NRXN1: variants seen among roughly 807,000 people sequenced by gnomAD.
NRXN1 encodes the protein neurexin-1.
Under a neutral mutation model 150.9 loss-of-function variants are expected in NRXN1, and 39 were observed. The ratio of observed to expected loss-of-function variants is 0.26; its 90% CI spans 0.20 to 0.34. NRXN1 has a LOEUF of 0.34. Ranked by LOEUF, NRXN1 falls within the 10% of genes least tolerant of loss-of-function variation. The pLI is 1.00. For synonymous variants in NRXN1, 924 were observed against 757.0 expected (o/e 1.22, Z -3.62); for missense variants, 1,815 against 1,949.9 (o/e 0.93, Z 1.30).
At chr2:50,170,313 T>A (rs1055867354) in intron 18 of NRXN1, among the ~76,000 whole-genome samples, 1 of 152,126 alleles carries the variant, frequency 6.6e-6, no homozygotes, top group African/African-American at 2.4e-5. Context: ...TTTTGTTTTT[T>A]TTGAGACAGT....
intron 5 of NRXN1, among the ~76,000 whole-genome samples, chr2:50,741,636 G>A (rs1419368204): frequency 6.6e-6 from 1 of 152,140 alleles, no homozygotes; most frequent in Non-Finnish European, 1.5e-5. Flanking sequence ...GATTTCTCAT[G>A]TTCATCAGGA....
At chr2:50,897,401 T>A (rs961243601) in intron 5 of NRXN1, among the ~76,000 whole-genome samples, 1 of 152,166 alleles carries the variant, frequency 6.6e-6, no homozygotes, top group African/African-American at 2.4e-5. Context: ...ATCTCCAACA[T>A]CTATGCTCAG....
chr2:50,659,187 G>T (rs1686930785), intron 5 of NRXN1, among the ~76,000 whole-genome samples: 1 of 151,984 alleles, frequency 6.6e-6, no homozygotes, highest in Non-Finnish European at 1.5e-5. Flanking sequence ...TTGCCTCAAG[G>T]TTCCATTCCA....
chr2:50,482,865 G>A (rs1006401167), intron 15 of NRXN1, among the ~76,000 whole-genome samples: 5 of 151,558 alleles, frequency 3.3e-5, no homozygotes, highest in African/African-American at 1.2e-4. Context: ...GGAGGCTGTG[G>A]CGGGAAGAAA....
At chr2:50,013,630 T>A (rs187650298) in intron 21 of NRXN1, among the ~76,000 whole-genome samples, 4 of 152,268 alleles carry the variant, frequency 2.6e-5, no homozygotes, top group African/African-American at 9.6e-5. Flanking sequence ...CTATTACATA[T>A]ATTGAAATGT....
At chr2:50,218,900 T>A (rs2063589165) in intron 18 of NRXN1, among the ~76,000 whole-genome samples, 2 of 152,042 alleles carry the variant, frequency 1.3e-5, no homozygotes, top group South Asian at 4.1e-4. Context: ...TCCAAAAATA[T>A]TCACTTTTAT....
chr2:50,494,684 A>G (rs1184820155), intron 15 of NRXN1, among the ~76,000 whole-genome samples: 1 of 152,218 alleles, frequency 6.6e-6, no homozygotes, highest in Non-Finnish European at 1.5e-5. Flanking sequence ...ACAGAAAGCA[A>G]AACACTTTTC....
intron 17 of NRXN1, among the ~76,000 whole-genome samples, chr2:50,434,348 C>T (rs2085250827): frequency 6.6e-6 from 1 of 152,080 alleles, no homozygotes; most frequent in South Asian, 2.1e-4. Context: ...TCCCACAGTG[C>T]TGGGATTACA....
At chr2:49,977,604 AT>A (rs982942770) in intron 21 of NRXN1, among the ~76,000 whole-genome samples, 2 of 152,162 alleles carry the variant, frequency 1.3e-5, no homozygotes, top group African/African-American at 4.8e-5. Context: ...GGTTTCTCCA[AT>A]TTTAATAAGT....
At chr2:50,864,290 T>G (rs1211870047) in intron 5 of NRXN1, among the ~76,000 whole-genome samples, 1 of 151,992 alleles carries the variant, frequency 6.6e-6, no homozygotes, top group African/African-American at 2.4e-5. Context: ...CTGATCATCA[T>G]AAAAGCTAAA....
intron 17 of NRXN1, among the ~76,000 whole-genome samples, chr2:50,366,047 A>G (rs901941987): frequency 5.9e-5 from 9 of 151,964 alleles, no homozygotes; most frequent in African/African-American, 2.2e-4. Context: ...GGAGGGATGA[A>G]TGTTACTTTC....
chr2:50,335,652 TC>T (rs1157480913), intron 17 of NRXN1, among the ~76,000 whole-genome samples: 2 of 152,330 alleles, frequency 1.3e-5, no homozygotes, highest in East Asian at 3.9e-4. Flanking sequence ...GCTGCAGGTG[TC>T]CTGGTTTAAC....
intron 10 of NRXN1, among the ~76,000 whole-genome samples, chr2:50,536,149 G>A (rs2093254061): frequency 6.6e-6 from 1 of 152,164 alleles, no homozygotes; most frequent in African/African-American, 2.4e-5. Flanking sequence ...AAATTTTGTG[G>A]TATTGAGCAT....
chr2:50,825,510 C>A (rs912938020), intron 5 of NRXN1, among the ~76,000 whole-genome samples: 51 of 152,286 alleles, frequency 3.3e-4, no homozygotes, highest in African/African-American at 1.2e-3. Context: ...CATAATAACT[C>A]AAAAGGACTG....
chr2:50,305,098 G>A (rs1004712545), intron 17 of NRXN1, among the ~76,000 whole-genome samples: 3 of 151,772 alleles, frequency 2.0e-5, no homozygotes, highest in African/African-American at 7.3e-5. Context: ...GTAGGGGGTG[G>A]GATGGGGCGG....
chr2:50,737,683 G>C (rs4632385), intron 5 of NRXN1, among the ~76,000 whole-genome samples: 2 of 152,072 alleles, frequency 1.3e-5, no homozygotes, highest in African/African-American at 4.8e-5. Context: ...CTCTATAACA[G>C]AGACTTCTAC....
intron 5 of NRXN1, among the ~76,000 whole-genome samples, chr2:50,773,866 G>A (rs1027438098): frequency 2.6e-5 from 4 of 152,046 alleles, no homozygotes; most frequent in African/African-American, 9.7e-5. Flanking sequence ...CAACACAAAC[G>A]TCTTTCACTT....
intron 21 of NRXN1, among the ~76,000 whole-genome samples, chr2:50,011,750 T>C (rs1383370779): frequency 2.0e-5 from 3 of 152,082 alleles, no homozygotes; most frequent in Non-Finnish European, 4.4e-5. Context: ...TCCTCTTCTT[T>C]AAATAAGGTG....
intron 19 of NRXN1, among the ~76,000 whole-genome samples, chr2:50,074,778 T>C (rs1427379331): frequency 6.6e-6 from 1 of 152,204 alleles, no homozygotes; most frequent in Admixed American, 6.5e-5. Flanking sequence ...GTTCATGCTA[T>C]TTCCTTTCTA....
Sources: gnomAD v4.1 joint callset for allele counts (sites outside exome capture counted in the v4.1 genomes callset) on GRCh38, gnomAD v4.1.1 for gene constraint, MANE v1.5 for transcripts, NCBI Gene and HGNC (gene_info 2026-07-23, HGNC 2026-07-21) for gene names.